HERC4: variants seen among roughly 807,000 people sequenced by gnomAD.
HERC4 encodes the protein HECT and RLD domain containing E3 ubiquitin protein ligase 4, also known as probable E3 ubiquitin-protein ligase HERC4.
In HERC4, 28 loss-of-function variants were observed where a neutral mutation model predicts 124.3. The ratio of observed to expected loss-of-function variants is 0.23; its 90% CI spans 0.17 to 0.31. The LOEUF is 0.31. HERC4 is among the 10% of genes least tolerant of loss of function. The pLI, the probability that HERC4 is intolerant of heterozygous loss-of-function variation, is 1.00. For missense variants in HERC4, 713 were observed against 1,229.3 expected (o/e 0.58, Z 6.28); for synonymous variants, 407 against 421.5 (o/e 0.97, Z 0.42).
Position 68,010,084 on chromosome 10 carries a change from T to G in HERC4, c.1069+3942A>C. 4 of 647,678 alleles carry G rather than the reference T, an allele frequency of 6.2e-6. No individual in the cohort carries two copies. The South Asian group carries it at 6.4e-5, about 10-fold the overall frequency. 40.1% of individuals were successfully genotyped at this position (647,678 alleles called of 1,614,324 possible). On this transcript the variant is annotated intron_variant, in intron 9 of 24. Coordinates refer to ENST00000373700, the MANE Select transcript of HERC4 (RefSeq NM_015601.4). ...ACTCCCCTGCCCCCACCCTTTGTGT[T>G]CCCAATTCCTTCCTTACTGAATGAA...
intron 15 of HERC4, chr10:67,987,985 A>G (rs2036353493): frequency 6.6e-6 from 1 of 152,128 alleles, no homozygotes; most frequent in Non-Finnish European, 1.5e-5. Flanking sequence ...CCCTTAGGTC[A>G]TGTCTCATCT....
chr10:68,019,409 A>G (rs1224013511), intron 8 of HERC4, among the ~76,000 whole-genome samples: 4 of 152,138 alleles, frequency 2.6e-5, no homozygotes, highest in Non-Finnish European at 5.9e-5. Flanking sequence ...AGGCATATAG[A>G]TTGAAAAATT....
intron 3 of HERC4, among the ~76,000 whole-genome samples, chr10:68,053,191 A>T (rs1347243820): frequency 6.6e-6 from 1 of 152,218 alleles, no homozygotes; most frequent in Non-Finnish European, 1.5e-5. Context: ...AGAAAATACA[A>T]GGTAAGGTTC....
intron 16 of HERC4, among the ~76,000 whole-genome samples, chr10:67,962,429 ATGT>A (rs2034585248): frequency 6.6e-6 from 1 of 152,188 alleles, no homozygotes. Context: ...CAGTAAGATA[ATGT>A]TAGAATTTAT....
intron 9 of HERC4, among the ~76,000 whole-genome samples, chr10:68,008,694 G>A (rs1174695745): frequency 6.6e-6 from 1 of 152,090 alleles, no homozygotes; most frequent in Non-Finnish European, 1.5e-5. Flanking sequence ...CAAAAGAACT[G>A]AAAGCAGGAT....
At chr10:67,981,834 G>T (rs970892184) in intron 15 of HERC4, among the ~76,000 whole-genome samples, 1 of 152,072 alleles carries the variant, frequency 6.6e-6, no homozygotes, top group Admixed American at 6.6e-5. Context: ...CCAGCTTCTT[G>T]GGAGGCTGAG....
In HERC4 at chr10:67,954,844, TTAAAA is replaced by T; in HGVS notation, c.2194-111_2194-107del. 2.5e-6 allele frequency: 3 copies of T among 1,196,576 alleles called. 1 individual carries two copies. Among genetic ancestry groups the T allele is most frequent in the South Asian group, 4.3e-5 (2 of 46,974 alleles). 74.1% of individuals were successfully genotyped at this position (1,196,576 alleles called of 1,614,324 possible). A position where few individuals can be genotyped will look rare whatever the true frequency, so the allele number is the denominator to read the frequency against. On this transcript the variant is annotated intron_variant, in intron 18 of 24. Coordinates refer to ENST00000373700, the MANE Select transcript of HERC4 (RefSeq NM_015601.4). ...TTACTAATACTCTACAATTAATAGT[TTAAAA>T]TAAATATAATTTTATTTATTAAGTT...
At chr10:68,019,175 T>C (rs561641160) in intron 8 of HERC4, among the ~76,000 whole-genome samples, 9 of 152,118 alleles carry the variant, frequency 5.9e-5, no homozygotes, top group African/African-American at 1.7e-4. Flanking sequence ...TTTGTATTTT[T>C]AGTAGAGACA....
chr10:67,966,555 T>TAAA (rs2034877105), intron 16 of HERC4, 128 bp downstream of exon 16: 1 of 801,146 alleles, frequency 1.2e-6, no homozygotes, highest in Admixed American at 3.1e-5. Flanking sequence ...AATGTGTTAT[T>TAAA]ATTTAAAAAG....
At chr10:68,007,245 G>C (rs1263823763) in intron 9 of HERC4, among the ~76,000 whole-genome samples, 1 of 151,976 alleles carries the variant, frequency 6.6e-6, no homozygotes, top group Admixed American at 6.6e-5. Flanking sequence ...CTGCTGTTGA[G>C]AGCCTCTGAT....
In HERC4 at chr10:67,973,910, G is replaced by A. The variant is rs185645644; in HGVS notation, c.1807-7108C>T. Reference sequence around the variant, plus strand: ...AAAAATAGAAAAATTAGCTGGGTGCGGTGGCACGTGCCTGTAGACCCAGCT... The same window carrying A: ...AAAAATAGAAAAATTAGCTGGGTGCAGTGGCACGTGCCTGTAGACCCAGCT... On this transcript the variant is annotated intron_variant, in intron 15 of 24. Coordinates refer to ENST00000373700, the MANE Select transcript of HERC4 (RefSeq NM_015601.4). Among the ~76,000 whole-genome samples, 826 of 151,780 alleles carry A rather than the reference G, an allele frequency of 5.4e-3. 8 individuals are homozygous for A. Among genetic ancestry groups the A allele is most frequent in the African/African-American group, 0.019 (773 of 41,356 alleles).
chr10:68,027,739 A>G (rs2038977308), intron 7 of HERC4, among the ~76,000 whole-genome samples: 1 of 152,062 alleles, frequency 6.6e-6, no homozygotes, highest in South Asian at 2.1e-4. Context: ...CCTGGCCAAC[A>G]TGCTGACACT....
intron 6 of HERC4, among the ~76,000 whole-genome samples, 194 bp from the exon 7 acceptor site, chr10:68,033,063 C>T (rs1453553572): frequency 6.6e-6 from 1 of 152,062 alleles, no homozygotes; most frequent in African/African-American, 2.4e-5. Context: ...AAAGGAGGGA[C>T]TTAAGAGTTA....
At chr10:68,057,732 A>G (rs1177841226) in intron 3 of HERC4, among the ~76,000 whole-genome samples, 3 of 151,190 alleles carry the variant, frequency 2.0e-5, no homozygotes. Flanking sequence ...TTTAAGACAG[A>G]GTCTTGTTCT....
chr10:67,992,008 C>G lies in HERC4; in HGVS notation c.1271+191G>C, dbSNP rs1024050386. On this transcript the variant is annotated intron_variant, in intron 11 of 24. Coordinates refer to ENST00000373700, the MANE Select transcript of HERC4 (RefSeq NM_015601.4). ...CGACCTCCTGGGCTCAGCTGATCCT[C>G]CCACCTCAGCCTCCCAAGTAGCTGA... 4.9e-4 allele frequency among the ~76,000 whole-genome samples: 75 copies of G among 152,148 alleles called. 4 individuals are homozygous for G. The highest frequency in any genetic ancestry group is 2.1e-4 in the South Asian group (1 of 4,836).
chr10:68,010,482 T>C, intron 9 of HERC4: 1 of 947,876 alleles, frequency 1.1e-6, no homozygotes, highest in South Asian at 1.4e-5. Flanking sequence ...GATCACATCC[T>C]TCTAGAGCCC....
At chr10:68,047,446 A>G (rs2040070710) in intron 3 of HERC4, among the ~76,000 whole-genome samples, 1 of 152,226 alleles carries the variant, frequency 6.6e-6, no homozygotes, top group Non-Finnish European at 1.5e-5. Flanking sequence ...GCCATAGCCC[A>G]GGGGAAAACA....
intron 3 of HERC4, chr10:68,070,092 CTA>C: frequency 2.0e-6 from 2 of 984,852 alleles, no homozygotes; most frequent in East Asian, 1.1e-4. Context: ...GGGAAATGAA[CTA>C]TGTTTATTAC....
intron 3 of HERC4, among the ~76,000 whole-genome samples, chr10:68,051,057 G>T (rs1339445936): frequency 1.4e-5 from 2 of 141,286 alleles, no homozygotes; most frequent in Non-Finnish European, 3.1e-5. Flanking sequence ...GTTAAGGGGG[G>T]ATTAAACCAC....
Sources: allele counts gnomAD v4.1 joint callset (sites outside exome capture counted in the v4.1 genomes callset), GRCh38; gene constraint gnomAD v4.1.1; transcripts MANE v1.5; gene names NCBI Gene and HGNC (gene_info 2026-07-23, HGNC 2026-07-21).